Variants in NRXN3 observed in about 807,000 individuals in gnomAD.
The protein encoded by NRXN3 is neurexin 3, also known as neurexin III.
Under a neutral mutation model 137.6 loss-of-function variants are expected in NRXN3, and 32 were observed. The observed-to-expected ratio is 0.23, with a 90% confidence interval of 0.18 to 0.31. NRXN3 has a LOEUF of 0.31. NRXN3 is among the 10% of genes least tolerant of loss of function. The probability of loss-of-function intolerance (pLI) is 1.00; values close to 1 mark genes in which losing one functional copy is unlikely to be tolerated. For missense variants in NRXN3, 1,574 were observed against 2,062.5 expected, an observed-to-expected ratio of 0.76 and a Z score of 4.59; for synonymous variants, 798 against 784.5, an observed-to-expected ratio of 1.02 and a Z score of -0.29.
intron 15 of NRXN3, among the ~76,000 whole-genome samples, chr14:79,323,934 G>GT (rs1002810012): frequency 1.3e-5 from 2 of 152,148 alleles, no homozygotes; most frequent in East Asian, 1.9e-4. Context: ...ATATGGAGGT[G>GT]TTTTTTTCCC....
Position 79,862,400 on chromosome 14 carries a change from T to C in NRXN3, c.*436T>C, listed in dbSNP as rs990434155. The C allele has an allele frequency of 2.0e-5, 3 of 153,530 alleles. No individual in the cohort carries two copies. Among genetic ancestry groups the C allele is most frequent in the Non-Finnish European group, 2.9e-5 (2 of 68,784 alleles). 9.5% of individuals were successfully genotyped at this position (153,530 alleles called of 1,614,324 possible). ...TGAAGCTTGACTGTAACCATGTTTT[T>C]TCTGTTTAATTATGTAAAAAACAAA... On this transcript the variant is annotated 3_prime_UTR_variant, in exon 21 of 21. Transcript: ENST00000335750.
intron 15 of NRXN3, among the ~76,000 whole-genome samples, chr14:79,051,157 A>G (rs1174889054): frequency 6.6e-6 from 1 of 152,168 alleles, no homozygotes; most frequent in East Asian, 1.9e-4. Context: ...TAGCAGCCAC[A>G]CAGTAATTGC....
intron 16 of NRXN3, among the ~76,000 whole-genome samples, chr14:79,629,288 C>A (rs1028711897): frequency 6.6e-6 from 1 of 152,054 alleles, no homozygotes; most frequent in Non-Finnish European, 1.5e-5. Flanking sequence ...AAATAAGCAA[C>A]AATACACTGA....
At chr14:78,948,006 G>A (rs954128903) in intron 10 of NRXN3, among the ~76,000 whole-genome samples, 6 of 152,208 alleles carry the variant, frequency 3.9e-5, no homozygotes, top group African/African-American at 1.4e-4. Flanking sequence ...TCATGCGGTT[G>A]CTGTAACATT....
chr14:78,273,199 G>T (rs1325424014), intron 2 of NRXN3, among the ~76,000 whole-genome samples: 1 of 152,130 alleles, frequency 6.6e-6, no homozygotes, highest in Non-Finnish European at 1.5e-5. Flanking sequence ...TGACAGAAAG[G>T]GGAATCCACA....
chr14:78,460,467 T>C (rs2094891319), intron 4 of NRXN3, among the ~76,000 whole-genome samples: 1 of 152,206 alleles, frequency 6.6e-6, no homozygotes, highest in Non-Finnish European at 1.5e-5. Flanking sequence ...CATTGGCATA[T>C]AAAAGACACT....
At chr14:79,708,499 T>G (rs550594497) in intron 19 of NRXN3, among the ~76,000 whole-genome samples, 1 of 42,794 alleles carries the variant, frequency 2.3e-5, no homozygotes, top group African/African-American at 1.4e-4. Flanking sequence ...GTAAGAATTG[T>G]TTTTTTTTTT....
At chr14:79,717,378 A>G (rs1419823608) in intron 19 of NRXN3, among the ~76,000 whole-genome samples, 1 of 152,204 alleles carries the variant, frequency 6.6e-6, no homozygotes, top group East Asian at 1.9e-4. Flanking sequence ...CTGGCTCCTC[A>G]GCAACATGCT....
intron 19 of NRXN3, among the ~76,000 whole-genome samples, chr14:79,753,675 C>T (rs1490446490): frequency 6.6e-6 from 1 of 151,592 alleles, no homozygotes; most frequent in Non-Finnish European, 1.5e-5. Context: ...ACATATATAA[C>T]TAACCTGCAC....
chr14:78,203,836 GTGGTTTGTGTGTGT>G (rs2061919979), intron 1 of NRXN3, among the ~76,000 whole-genome samples: 3 of 78,210 alleles, frequency 3.8e-5, no homozygotes, highest in African/African-American at 1.9e-4. Flanking sequence ...GTGTGTGTGT[GTGGTTTGTGTGTGT>G]GTGTGGTTTG....
At chr14:79,350,886 T>A (rs1773996786) in intron 15 of NRXN3, among the ~76,000 whole-genome samples, 7 of 152,186 alleles carry the variant, frequency 4.6e-5, no homozygotes, top group Admixed American at 4.6e-4. Context: ...GTTAACTGCT[T>A]ATAAGACACC....
intron 15 of NRXN3, among the ~76,000 whole-genome samples, chr14:79,028,999 G>A (rs559885671): frequency 6.6e-6 from 1 of 151,864 alleles, no homozygotes; most frequent in Admixed American, 6.6e-5. Context: ...AGGGGAAAAT[G>A]TCATAGGAAA....
intron 16 of NRXN3, among the ~76,000 whole-genome samples, chr14:79,492,805 C>T (rs758862023): frequency 6.6e-6 from 1 of 152,182 alleles, no homozygotes; most frequent in African/African-American, 2.4e-5. Flanking sequence ...TCTTGACTCA[C>T]TTCTATCAAT....
intron 1 of NRXN3, among the ~76,000 whole-genome samples, chr14:78,210,659 T>G (rs1005031149): frequency 2.0e-5 from 3 of 151,974 alleles, no homozygotes; most frequent in Non-Finnish European, 4.4e-5. Context: ...TTTCTGTGCC[T>G]CTTGGTGGTC....
chr14:78,396,402 T>C (rs1408059349), intron 4 of NRXN3, among the ~76,000 whole-genome samples: 1 of 152,224 alleles, frequency 6.6e-6, no homozygotes, highest in East Asian at 1.9e-4. Flanking sequence ...GAAAAGTCTA[T>C]TTGTCCACAT....
intron 4 of NRXN3, among the ~76,000 whole-genome samples, chr14:78,406,203 A>C (rs2092473347): frequency 1.3e-5 from 2 of 152,236 alleles, no homozygotes; most frequent in African/African-American, 4.8e-5. Flanking sequence ...GCCCAATCCA[A>C]ACTGGCTTAA....
At chr14:79,069,303 G>A (rs1420227256) in intron 15 of NRXN3, among the ~76,000 whole-genome samples, 2 of 152,004 alleles carry the variant, frequency 1.3e-5, no homozygotes, top group Non-Finnish European at 2.9e-5. Context: ...TGCTCAAATT[G>A]GCTCAGTGAT....
At position 79,365,745 on chromosome 14, in the gene NRXN3, G is replaced by GAAAAAAAAA. The variant is rs943211669; in HGVS notation, c.3263-101468_3263-101467insAAAAAAAAA. ...TGTCTCAAAAAAAAAAAAAAAAAAA[G>GAAAAAAAAA]AAAAAAAAGAAGAGTTTTATTAAAC... On this transcript the variant is annotated intron_variant, in intron 15 of 20. Transcript: ENST00000335750. Among the ~76,000 whole-genome samples the GAAAAAAAAA allele has an allele frequency of 2.4e-3, 274 of 114,128 alleles. 7 individuals are homozygous for GAAAAAAAAA. Among genetic ancestry groups the GAAAAAAAAA allele is most frequent in the African/African-American group, 8.1e-3 (255 of 31,392 alleles). The allele number at this position is 114,128 out of a possible 152,430, so 74.9% of individuals were successfully genotyped here.
At chr14:78,370,726 TAAG>T in intron 4 of NRXN3, among the ~76,000 whole-genome samples, 1 of 152,314 alleles carries the variant, frequency 6.6e-6, no homozygotes, top group East Asian at 1.9e-4. Flanking sequence ...TCTTTACATA[TAAG>T]AAGAGGAAGG....
Sources: gnomAD v4.1 joint callset for allele counts (sites outside exome capture counted in the v4.1 genomes callset) on GRCh38, gnomAD v4.1.1 for gene constraint, MANE v1.5 for transcripts, NCBI Gene and HGNC (gene_info 2026-07-23, HGNC 2026-07-21) for gene names.